NRXN3: variants seen among roughly 807,000 people sequenced by gnomAD.
The protein encoded by NRXN3 is neurexin III.
In NRXN3, 32 loss-of-function variants were observed where a neutral mutation model predicts 137.6. The observed-to-expected ratio is 0.23, with a 90% CI of 0.18 to 0.31. The LOEUF (loss-of-function observed/expected upper bound fraction) is 0.31. Among genes scored for constraint, NRXN3 ranks in the 10% least tolerant of loss-of-function variants. NRXN3 has a pLI of 1.00. For missense variants in NRXN3, 1,574 were observed against 2,062.5 expected (o/e 0.76, Z 4.59); for synonymous variants, 798 against 784.5 (o/e 1.02, Z -0.29).
At chr14:78,537,944 C>G (rs538857598) in intron 4 of NRXN3, among the ~76,000 whole-genome samples, 1 of 152,040 alleles carries the variant, frequency 6.6e-6, no homozygotes, top group East Asian at 1.9e-4. Context: ...ATTTCTGAGG[C>G]CTCTGTTCTG....
intron 4 of NRXN3, among the ~76,000 whole-genome samples, chr14:78,312,701 G>T (rs975537842): frequency 4.6e-5 from 7 of 151,856 alleles, no homozygotes; most frequent in African/African-American, 1.7e-4. Context: ...TAAGTTTAGT[G>T]CCCGTCCGTG....
At chr14:78,301,011 G>A (rs2076820503) in intron 4 of NRXN3, among the ~76,000 whole-genome samples, 1 of 152,072 alleles carries the variant, frequency 6.6e-6, no homozygotes, top group Non-Finnish European at 1.5e-5. Flanking sequence ...TATATTGAGG[G>A]AACAGGGGAA....
intron 4 of NRXN3, among the ~76,000 whole-genome samples, chr14:78,424,274 T>A (rs1294263384): frequency 6.6e-6 from 1 of 152,224 alleles, no homozygotes. Context: ...TCTTCTTTCC[T>A]TGCTAGTCTT....
chr14:78,307,510 A>T (rs56987456), intron 4 of NRXN3, among the ~76,000 whole-genome samples: 1,567 of 152,238 alleles, frequency 0.01, 29 homozygotes, highest in African/African-American at 0.036. Flanking sequence ...TGTAAATAGA[A>T]GCAAAAATAT....
chr14:79,631,853 G>A (rs1173378474), intron 16 of NRXN3, among the ~76,000 whole-genome samples: 1 of 151,994 alleles, frequency 6.6e-6, no homozygotes, highest in African/African-American at 2.4e-5. Context: ...TTTCTGTCTA[G>A]CTAAAGGATT....
chr14:79,529,550 A>G (rs1178100243), intron 16 of NRXN3, among the ~76,000 whole-genome samples: 1 of 152,268 alleles, frequency 6.6e-6, no homozygotes, highest in Non-Finnish European at 1.5e-5. Flanking sequence ...AATATGGCTA[A>G]GTCATGTACT....
In NRXN3 at chr14:79,867,977, A is replaced by G. The variant is rs900105310; in HGVS notation, c.*6013A>G. ...ATATCTGAGTTTTTTTTTTTTAATG[A>G]TTACATGGGTTCTAGAGTCAAAATG... On this transcript the variant is annotated 3_prime_UTR_variant, in exon 21 of 21. Coordinates refer to ENST00000335750, the MANE Select transcript of NRXN3 (RefSeq NM_001330195.2). 11 of 151,032 alleles carry G rather than the reference A, an allele frequency of 7.3e-5. No individual in the cohort carries two copies. The highest frequency in any genetic ancestry group is 2.7e-4 in the African/African-American group (11 of 41,034). 9.4% of individuals were successfully genotyped at this position (151,032 alleles called of 1,614,324 possible).
chr14:79,234,306 A>AT (rs1337685899), intron 15 of NRXN3, among the ~76,000 whole-genome samples: 4 of 64,924 alleles, frequency 6.2e-5, no homozygotes, highest in African/African-American at 3.0e-4. Flanking sequence ...ATATATATAT[A>AT]TATATATATA....
intron 8 of NRXN3, among the ~76,000 whole-genome samples, chr14:78,734,206 AACACACACACAC>A (rs10563958): frequency 0.034 from 4,741 of 137,758 alleles, 182 homozygotes; most frequent in African/African-American, 0.095. Flanking sequence ...CTGCATCTGA[AACACACACACAC>A]ACACACACAC....
chr14:78,215,057 C>T (rs1595979769), intron 1 of NRXN3, among the ~76,000 whole-genome samples: 2 of 152,176 alleles, frequency 1.3e-5, no homozygotes, highest in East Asian at 3.9e-4. Flanking sequence ...TGAAAGAGTG[C>T]TCTTTTGTAA....
chr14:79,855,174 T>C (rs1161171423), intron 20 of NRXN3, among the ~76,000 whole-genome samples: 1 of 152,210 alleles, frequency 6.6e-6, no homozygotes, highest in East Asian at 1.9e-4. Context: ...GTGGGTACCA[T>C]CATCGTGTAA....
chr14:79,222,397 G>A (rs1405217341), intron 15 of NRXN3, among the ~76,000 whole-genome samples: 1 of 152,084 alleles, frequency 6.6e-6, no homozygotes, highest in Non-Finnish European at 1.5e-5. Context: ...TTGTCTGGAT[G>A]TACCACAGTT....
chr14:79,392,571 G>A (rs985435487), intron 15 of NRXN3, among the ~76,000 whole-genome samples: 5 of 152,126 alleles, frequency 3.3e-5, no homozygotes, highest in Admixed American at 6.5e-5. Context: ...TCGCCACACT[G>A]CCAACAAACA....
At chr14:78,959,193 G>T (rs952092159) in intron 11 of NRXN3, among the ~76,000 whole-genome samples, 2 of 152,142 alleles carry the variant, frequency 1.3e-5, no homozygotes, top group African/African-American at 4.8e-5. Flanking sequence ...TTAAGGAAGA[G>T]CGTCTAGGCA....
chr14:78,274,702 C>G (rs1321912613), intron 2 of NRXN3, among the ~76,000 whole-genome samples: 1 of 152,178 alleles, frequency 6.6e-6, no homozygotes, highest in Non-Finnish European at 1.5e-5. Context: ...AGAGTGGAGG[C>G]AGGAATACCC....
intron 16 of NRXN3, among the ~76,000 whole-genome samples, chr14:79,525,843 G>A (rs2097113631): frequency 6.6e-6 from 1 of 152,104 alleles, no homozygotes; most frequent in East Asian, 1.9e-4. Context: ...TTCTCATTTG[G>A]GGCAGGGAAT....
At chr14:79,324,893 A>T (rs2090621439) in intron 15 of NRXN3, among the ~76,000 whole-genome samples, 2 of 152,164 alleles carry the variant, frequency 1.3e-5, no homozygotes, top group Admixed American at 1.3e-4. Flanking sequence ...ACATGTGTGT[A>T]ATGAAAAAAG....
At chr14:78,493,951 G>C (rs1193174048) in intron 4 of NRXN3, among the ~76,000 whole-genome samples, 2 of 152,158 alleles carry the variant, frequency 1.3e-5, no homozygotes, top group East Asian at 3.8e-4. Context: ...TTGGGAAACT[G>C]TCCTTTCTTA....
chr14:79,792,493 G>A (rs1228807602), intron 19 of NRXN3, among the ~76,000 whole-genome samples: 2 of 152,046 alleles, frequency 1.3e-5, no homozygotes, highest in Non-Finnish European at 2.9e-5. Flanking sequence ...GTATACAAAC[G>A]AAACACTTTT....
Sources: gnomAD v4.1 joint callset for allele counts (sites outside exome capture counted in the v4.1 genomes callset) on GRCh38, gnomAD v4.1.1 for gene constraint, MANE v1.5 for transcripts, NCBI Gene and HGNC (gene_info 2026-07-23, HGNC 2026-07-21) for gene names.